Variants in MAPK10 observed in about 807,000 individuals in gnomAD.
MAPK10 encodes mitogen-activated protein kinase 10.
A neutral mutation model predicts 59.3 loss-of-function variants in MAPK10; 25 were observed. That is an observed-to-expected ratio of 0.42 (90% CI 0.31 to 0.59). The LOEUF is 0.59. MAPK10 is among the 20% of genes least tolerant of loss of function. The pLI is 0.15. For synonymous variants in MAPK10, 190 were observed against 200.5 expected (o/e 0.95, Z 0.44); for missense variants, 351 against 568.9 (o/e 0.62, Z 3.90).
chr4:86,593,453 A>G (rs1763250395), intron 1 of MAPK10, among the ~76,000 whole-genome samples: 1 of 152,114 alleles, frequency 6.6e-6, no homozygotes. Flanking sequence ...AACTATTGAA[A>G]CTCAAATATT....
intron 2 of MAPK10, among the ~76,000 whole-genome samples, chr4:86,264,636 A>T (rs2094148335): frequency 6.6e-6 from 1 of 152,188 alleles, no homozygotes; most frequent in African/African-American, 2.4e-5. Flanking sequence ...TAAAATGCAC[A>T]AAGTTATTAA....
At chr4:86,587,029 T>C (rs986210239) in intron 1 of MAPK10, among the ~76,000 whole-genome samples, 2 of 152,214 alleles carry the variant, frequency 1.3e-5, no homozygotes, top group Non-Finnish European at 1.5e-5. Context: ...AGCTTTTTGT[T>C]GTTTGGCTTT....
chr4:86,388,922 A>G (rs1444397352), intron 1 of MAPK10, among the ~76,000 whole-genome samples: 1 of 152,242 alleles, frequency 6.6e-6, no homozygotes, highest in African/African-American at 2.4e-5. Flanking sequence ...AAATGAATTA[A>G]TAAATGAATA....
At chr4:86,419,379 C>A (rs1300962891) in intron 1 of MAPK10, among the ~76,000 whole-genome samples, 1 of 152,056 alleles carries the variant, frequency 6.6e-6, no homozygotes, top group South Asian at 2.1e-4. Context: ...ACATATCTAA[C>A]AATTTATCTC....
At chr4:86,349,150 G>T (rs1431492155) in intron 2 of MAPK10, among the ~76,000 whole-genome samples, 1 of 152,164 alleles carries the variant, frequency 6.6e-6, no homozygotes, top group African/African-American at 2.4e-5. Context: ...GAGCAATTAA[G>T]TTAAATTTTT....
intron 4 of MAPK10, among the ~76,000 whole-genome samples, chr4:86,137,326 C>T (rs1274717297): frequency 6.7e-6 from 1 of 149,944 alleles, no homozygotes; most frequent in Non-Finnish European, 1.5e-5. Flanking sequence ...GAAATTATAA[C>T]AAACTATCTC....
intron 1 of MAPK10, among the ~76,000 whole-genome samples, chr4:86,396,223 T>G (rs1476215404): frequency 1.9e-4 from 29 of 152,096 alleles, no homozygotes; most frequent in Admixed American, 1.9e-3. Context: ...GGCGGGCGCC[T>G]GTAGTCTCAG....
intron 9 of MAPK10, chr4:86,080,571 G>A (rs751252588): frequency 4.6e-5 from 7 of 151,774 alleles, no homozygotes; most frequent in East Asian, 1.9e-4. Flanking sequence ...TACGTACTTC[G>A]GGAGAAAAAA....
intron 2 of MAPK10, among the ~76,000 whole-genome samples, chr4:86,253,410 T>G (rs1203529485): frequency 8.3e-6 from 1 of 120,206 alleles, no homozygotes; most frequent in Non-Finnish European, 1.6e-5. Flanking sequence ...TCAAAGGCTT[T>G]TTCTGCATCT....
chr4:86,115,943 C>T (rs2058235248), intron 4 of MAPK10, among the ~76,000 whole-genome samples: 1 of 152,178 alleles, frequency 6.6e-6, no homozygotes, highest in South Asian at 2.1e-4. Flanking sequence ...AATGGCAGCA[C>T]AGATAAAGAG....
At chr4:86,070,673 A>C (rs1453076025) in intron 9 of MAPK10, among the ~76,000 whole-genome samples, 1 of 151,206 alleles carries the variant, frequency 6.6e-6, no homozygotes, top group African/African-American at 2.4e-5. Flanking sequence ...TAGTTTACTG[A>C]GAATGATGAT....
chr4:86,576,033 G>A (rs1205543553), intron 1 of MAPK10, among the ~76,000 whole-genome samples: 1 of 150,824 alleles, frequency 6.6e-6, no homozygotes, highest in Non-Finnish European at 1.5e-5. Context: ...ATTATATATT[G>A]CCCAGGCTGG....
At chr4:86,327,508 ACTAT>A (rs1181130058) in intron 2 of MAPK10, 1 of 151,656 alleles carries the variant, frequency 6.6e-6, no homozygotes. Context: ...CCCCAGAATT[ACTAT>A]CTTTTTTTTT....
Position 86,014,306 on chromosome 4 carries a change from GTGTGTGTGTGTGTGTGT to G in MAPK10, c.*2905_*2921del, listed in dbSNP as rs1560493240. Reference sequence around the variant, plus strand: ...TGACTATTTAAGAAATATTTGGGGTGTGTGTGTGTGTGTGTGTGTGTGTGTGTGTGTGTGTGTGTTAA... The same window carrying G: ...TGACTATTTAAGAAATATTTGGGGTGGTGTGTGTGTGTGTGTGTGTGTTAA... On this transcript the variant is annotated 3_prime_UTR_variant, in exon 14 of 14. Coordinates refer to ENST00000641462, the MANE Select transcript of MAPK10 (RefSeq NM_138982.4). 4 of 67,192 alleles carry G rather than the reference GTGTGTGTGTGTGTGTGT, an allele frequency of 6.0e-5. No individual in the cohort carries two copies. Among genetic ancestry groups the G allele is most frequent in the Non-Finnish European group, 1.3e-4 (4 of 31,086 alleles). 4.2% of individuals were successfully genotyped at this position (67,192 alleles called of 1,614,324 possible).
At chr4:86,067,721 G>T in intron 10 of MAPK10, 52 bp downstream of exon 10, 1 of 1,482,044 alleles carries the variant, frequency 6.7e-7, no homozygotes, top group South Asian at 1.3e-5. Flanking sequence ...CTGTGTGCTT[G>T]TTTGGCCCGT....
At chr4:86,156,173 ATAT>A (rs1170723959) in intron 4 of MAPK10, among the ~76,000 whole-genome samples, 3 of 152,108 alleles carry the variant, frequency 2.0e-5, no homozygotes, top group Non-Finnish European at 4.4e-5. Flanking sequence ...ACATGGATAT[ATAT>A]TCCATTTAAG....
intron 1 of MAPK10, among the ~76,000 whole-genome samples, chr4:86,586,328 T>C (rs751891329): frequency 1.3e-5 from 2 of 152,166 alleles, no homozygotes; most frequent in Non-Finnish European, 2.9e-5. Flanking sequence ...TATACTTCCT[T>C]GATCCCCTCC....
intron 2 of MAPK10, among the ~76,000 whole-genome samples, chr4:86,224,034 T>G (rs954804294): frequency 6.6e-6 from 1 of 151,350 alleles, no homozygotes; most frequent in Non-Finnish European, 1.5e-5. Context: ...CTAGTTTTTA[T>G]GTAAACCTTT....
At chr4:86,106,583 T>C (rs1254815840) in intron 5 of MAPK10, among the ~76,000 whole-genome samples, 6 of 151,762 alleles carry the variant, frequency 4.0e-5, no homozygotes, top group Admixed American at 3.9e-4. Flanking sequence ...TGGCCTGTGA[T>C]TGAAGGAGCT....
Sources: gnomAD v4.1 joint callset for allele counts (sites outside exome capture counted in the v4.1 genomes callset) on GRCh38, gnomAD v4.1.1 for gene constraint, MANE v1.5 for transcripts, NCBI Gene and HGNC (gene_info 2026-07-23, HGNC 2026-07-21) for gene names.